The following PACSIN2 variants were observed in gnomAD, a reference collection of about 807,000 sequenced individuals.
PACSIN2 encodes the protein protein kinase C and casein kinase substrate in neurons 2, also known as protein kinase C and casein kinase substrate in neurons protein 2.
Under a neutral mutation model 63.8 loss-of-function variants are expected in PACSIN2, and 25 were observed. The observed-to-expected ratio is 0.39, with a 90% CI of 0.29 to 0.55. The LOEUF is 0.55. Among genes scored for constraint, PACSIN2 ranks in the 20% least tolerant of loss-of-function variants. PACSIN2 has a pLI of 0.62. For synonymous variants in PACSIN2, 255 were observed against 256.2 expected, an observed-to-expected ratio of 1.00 and a Z score of 0.05; for missense variants, 518 against 646.9, an observed-to-expected ratio of 0.80 and a Z score of 2.16.
chr22:42,998,368 A>C (rs1055909829), intron 1 of PACSIN2, among the ~76,000 whole-genome samples: 38 of 152,272 alleles, frequency 2.5e-4, no homozygotes, highest in African/African-American at 8.9e-4. Context: ...AACTCAACCC[A>C]GCCACACTGG....
At chr22:42,963,386 C>T (rs976694775) in intron 1 of PACSIN2, among the ~76,000 whole-genome samples, 2 of 152,188 alleles carry the variant, frequency 1.3e-5, no homozygotes, top group African/African-American at 4.8e-5. Flanking sequence ...CAGCTCAGGC[C>T]CCCTGCAGAG....
intron 1 of PACSIN2, among the ~76,000 whole-genome samples, chr22:42,987,747 G>A (rs1458803411): frequency 1.3e-5 from 2 of 151,722 alleles, no homozygotes; most frequent in Non-Finnish European, 2.9e-5. Context: ...TGTTAGCCAG[G>A]ATGGTCTCAA....
intron 1 of PACSIN2, among the ~76,000 whole-genome samples, chr22:42,951,636 C>T (rs1933697281): frequency 6.6e-6 from 1 of 152,210 alleles, no homozygotes; most frequent in South Asian, 2.1e-4. Flanking sequence ...GACTCCTCTC[C>T]TCCTCTCATG....
At chr22:42,894,880 T>G (rs1930168948) in intron 2 of PACSIN2, among the ~76,000 whole-genome samples, 1 of 152,054 alleles carries the variant, frequency 6.6e-6, no homozygotes, top group Admixed American at 6.6e-5. Context: ...CAGTTTTACC[T>G]TTTCTAAAAT....
At position 42,900,942 on chromosome 22, in the gene PACSIN2, G is replaced by A. The variant is rs17003408; in HGVS notation, c.61-7329C>T. 6.1e-3 allele frequency among the ~76,000 whole-genome samples: 934 copies of A among 152,294 alleles called. 12 individuals are homozygous for A. The highest frequency in any genetic ancestry group is 0.022 in the African/African-American group (897 of 41,562). Reference sequence around the variant, plus strand: ...ACATGAGATGATGCGTGTGCTTCCAGCCAGCCCTGTGGGCGCCAGCAAGTC... The same window carrying A: ...ACATGAGATGATGCGTGTGCTTCCAACCAGCCCTGTGGGCGCCAGCAAGTC... On this transcript the variant is annotated intron_variant, in intron 2 of 10. Transcript: ENST00000263246.
intron 5 of PACSIN2, among the ~76,000 whole-genome samples, chr22:42,884,990 T>C (rs1056210959): frequency 1.3e-5 from 2 of 152,130 alleles, no homozygotes; most frequent in African/African-American, 2.4e-5. Context: ...GATGAGGACA[T>C]CTCTCCTTCA....
In PACSIN2 at chr22:42,904,246, C is replaced by T. The variant is rs914838303; in HGVS notation, c.60+7775G>A. On this transcript the variant is annotated intron_variant, in intron 2 of 10. Transcript: ENST00000263246. Reference sequence around the variant, plus strand: ...GCGTGTTACACAGATGTCGAGAAGGCCCCGCGACACCCTACATGGCGTTCA... The same window carrying T: ...GCGTGTTACACAGATGTCGAGAAGGTCCCGCGACACCCTACATGGCGTTCA... Among the ~76,000 whole-genome samples the T allele has an allele frequency of 3.3e-5, 5 of 152,250 alleles. No individual in the cohort carries two copies. In the South Asian group the frequency reaches 8.3e-4, roughly 25 times the overall value.
chr22:42,960,124 A>G lies in PACSIN2; in HGVS notation c.-77-47967T>C, dbSNP rs6519353. ...ACAAAATTCATACTACCCCCTCCCC[A>G]ACACACAAAAAATCAAATTATATAC... is the stretch of plus-strand genomic sequence containing the variant. On this transcript the variant is annotated intron_variant, in intron 1 of 10. Coordinates refer to ENST00000263246, the MANE Select transcript of PACSIN2 (RefSeq NM_001184970.3). 4.6e-5 allele frequency among the ~76,000 whole-genome samples: 7 copies of G among 151,996 alleles called. No individual in the cohort carries two copies. In the East Asian group the frequency reaches 1.2e-3, roughly 25 times the overall value.
At chr22:42,877,294 A>G (rs908764121) in intron 8 of PACSIN2, among the ~76,000 whole-genome samples, 4 of 152,108 alleles carry the variant, frequency 2.6e-5, no homozygotes, top group Admixed American at 1.3e-4. Context: ...GGGGCGGGTG[A>G]CAAGCCACAG....
chr22:42,945,559 A>G (rs1933379391), intron 1 of PACSIN2, among the ~76,000 whole-genome samples: 1 of 152,018 alleles, frequency 6.6e-6, no homozygotes, highest in Non-Finnish European at 1.5e-5. Flanking sequence ...TACGTCAGAA[A>G]TGGTCCCACC....
At chr22:43,004,801 G>A (rs980142387) in intron 1 of PACSIN2, among the ~76,000 whole-genome samples, 3 of 152,230 alleles carry the variant, frequency 2.0e-5, no homozygotes, top group Non-Finnish European at 4.4e-5. Context: ...CCCCGTCACA[G>A]GCCTCCCTGG....
At chr22:42,961,694 C>T (rs1356545292) in intron 1 of PACSIN2, among the ~76,000 whole-genome samples, 6 of 151,948 alleles carry the variant, frequency 3.9e-5, no homozygotes, top group South Asian at 4.1e-4. Context: ...AATCGCTTGA[C>T]CCCAGGGAGC....
chr22:42,970,219 C>T (rs985552295), intron 1 of PACSIN2, among the ~76,000 whole-genome samples: 1 of 152,192 alleles, frequency 6.6e-6, no homozygotes, highest in Non-Finnish European at 1.5e-5. Context: ...CTAAAGTAAA[C>T]CCGCAAGGTT....
chr22:42,970,442 A>G (rs1921169947), intron 1 of PACSIN2, among the ~76,000 whole-genome samples: 1 of 152,252 alleles, frequency 6.6e-6, no homozygotes, highest in Admixed American at 6.5e-5. Context: ...TTATTCAGTA[A>G]TACTGCATCA....
At chr22:43,014,302 G>A (rs1213198737) in intron 1 of PACSIN2, among the ~76,000 whole-genome samples, 4 of 105,614 alleles carry the variant, frequency 3.8e-5, no homozygotes, top group Non-Finnish European at 7.8e-5. Context: ...CTGCGGTAAG[G>A]GCTTTGCTCC....
At chr22:42,991,157 T>C (rs1355233996) in intron 1 of PACSIN2, among the ~76,000 whole-genome samples, 3 of 152,098 alleles carry the variant, frequency 2.0e-5, no homozygotes, top group Non-Finnish European at 4.4e-5. Context: ...TACCACCTCC[T>C]AGGAAGCTGC....
At chr22:42,883,090 CAT>C (rs1420234552) in intron 6 of PACSIN2, among the ~76,000 whole-genome samples, 1 of 152,162 alleles carries the variant, frequency 6.6e-6, no homozygotes, top group African/African-American at 2.4e-5. Context: ...GGCCCTAATC[CAT>C]ATGACTGGTG....
chr22:42,973,655 C>T (rs545751652), intron 1 of PACSIN2, among the ~76,000 whole-genome samples: 7 of 152,218 alleles, frequency 4.6e-5, no homozygotes, highest in Admixed American at 6.5e-5. Context: ...ACTTGTGCCA[C>T]GCATGGCCCC....
At chr22:42,986,803 C>T (rs1922648068) in intron 1 of PACSIN2, among the ~76,000 whole-genome samples, 1 of 152,156 alleles carries the variant, frequency 6.6e-6, no homozygotes, top group Admixed American at 6.5e-5. Flanking sequence ...ACACTTGTCT[C>T]TCTAGATCTA....
Sources: gnomAD v4.1 joint callset for allele counts (sites outside exome capture counted in the v4.1 genomes callset) on GRCh38, gnomAD v4.1.1 for gene constraint, MANE v1.5 for transcripts, NCBI Gene and HGNC (gene_info 2026-07-23, HGNC 2026-07-21) for gene names.